Variants in KCTD12 observed in about 807,000 individuals in gnomAD.
The protein encoded by KCTD12 is BTB/POZ domain-containing protein KCTD12.
A neutral mutation model predicts 22.6 loss-of-function variants in KCTD12; 16 were observed. That is an observed-to-expected ratio of 0.71 (90% CI 0.48 to 1.07). KCTD12 has a LOEUF of 1.07. KCTD12 is among the 50% of genes least tolerant of loss of function. KCTD12 has a pLI of 0.00. For missense variants in KCTD12, 452 were observed against 469.2 expected, an observed-to-expected ratio of 0.96 and a Z score of 0.34; for synonymous variants, 260 against 228.0, an observed-to-expected ratio of 1.14 and a Z score of -1.26.
In KCTD12 at chr13:76,884,918, TG is replaced by T. The variant is rs1432686541; in HGVS notation, c.*252del. On this transcript the variant is annotated 3_prime_UTR_variant, in exon 1 of 1. Transcript: ENST00000377474. ...AGTAGAGAAAGCATGGAGTGGTAGGTGGGGGTGGGGTGGGGGTTCCTCTGGG... is the reference window on the plus strand; with the variant it reads ...AGTAGAGAAAGCATGGAGTGGTAGGTGGGGTGGGGTGGGGGTTCCTCTGGG... 1 of 314,692 alleles carries T rather than the reference TG, an allele frequency of 3.2e-6. No homozygotes were observed. The highest frequency in any genetic ancestry group is 4.8e-5 in the East Asian group (1 of 20,652). The allele number at this position is 314,692 out of a possible 1,614,324, so 19.5% of individuals were successfully genotyped here. A position where few individuals can be genotyped will look rare whatever the true frequency, so the allele number is the denominator to read the frequency against.
rs2033245398 is a variant in KCTD12 at position 76,884,941 on chromosome 13, T to C, written c.*230A>G. On this transcript the variant is annotated 3_prime_UTR_variant, in exon 1 of 1. Coordinates refer to ENST00000377474, the MANE Select transcript of KCTD12 (RefSeq NM_138444.4). The stretch of plus-strand genomic sequence containing the variant: ...GGTGGGGGTGGGGTGGGGGTTCCTC[T>C]GGGTTCTCTCGGTTCAGGAGGTCCA... 1.9e-6 allele frequency: 1 copy of C among 522,418 alleles called. No homozygotes were observed. The highest frequency in any genetic ancestry group is 3.2e-5 in the East Asian group (1 of 31,130). 32.4% of individuals were successfully genotyped at this position (522,418 alleles called of 1,614,324 possible). A position where few individuals can be genotyped will look rare whatever the true frequency, so the allele number is the denominator to read the frequency against.
At position 76,882,985 on chromosome 13, in the gene KCTD12, A is replaced by T. The variant is rs139710603; in HGVS notation, c.*2186T>A. The T allele has an allele frequency of 2.9e-3, 435 of 152,320 alleles. 4 individuals are homozygous for T. The highest frequency in any genetic ancestry group is 9.9e-3 in the African/African-American group (411 of 41,568). 9.4% of individuals were successfully genotyped at this position (152,320 alleles called of 1,614,324 possible). A position where few individuals can be genotyped will look rare whatever the true frequency, so the allele number is the denominator to read the frequency against. Reference sequence around the variant, plus strand: ...TAGTAATACAACTAATACTCAAGAAAAAAAGTATAATACAGCAAACTCAGT... The same window carrying T: ...TAGTAATACAACTAATACTCAAGAATAAAAGTATAATACAGCAAACTCAGT... On this transcript the variant is annotated 3_prime_UTR_variant, in exon 1 of 1. Coordinates refer to ENST00000377474, the MANE Select transcript of KCTD12 (RefSeq NM_138444.4).
rs2033248641 is a variant in KCTD12 at position 76,885,151 on chromosome 13, G to T, written c.*20C>A. On this transcript the variant is annotated 3_prime_UTR_variant, in exon 1 of 1. Coordinates refer to ENST00000377474, the MANE Select transcript of KCTD12 (RefSeq NM_138444.4). The surrounding 1 kb of genome is among the most constrained non-coding windows in gnomAD (Gnocchi z 5.1). ...CAGGAGAAGGACTGGGCGCTGGAGT[G>T]GCGAGGGGGTCTGGGGAGCTCACTC... is the stretch of plus-strand genomic sequence containing the variant. 2 of 1,602,880 alleles carry T rather than the reference G, an allele frequency of 1.2e-6. No homozygotes were observed. The highest frequency in any genetic ancestry group is 1.7e-6 in the Non-Finnish European group (2 of 1,172,666).
At position 76,880,592 on chromosome 13, in the gene KCTD12, T is replaced by C. The variant is rs1486778207; in HGVS notation, c.*4579A>G. The stretch of plus-strand genomic sequence containing the variant: ...TAAGGTTTTCAGATGCCTGGAAAAA[T>C]TTAAACAACATATAATTTACATCTT... On this transcript the variant is annotated 3_prime_UTR_variant, in exon 1 of 1. Coordinates refer to ENST00000377474, the MANE Select transcript of KCTD12 (RefSeq NM_138444.4). 2 of 152,574 alleles carry C rather than the reference T, an allele frequency of 1.3e-5. No homozygotes were observed. The highest frequency in any genetic ancestry group is 1.3e-4 in the Admixed American group (2 of 15,272). 9.5% of individuals were successfully genotyped at this position (152,574 alleles called of 1,614,324 possible).
In KCTD12 at chr13:76,885,715, C is replaced by A; in HGVS notation, c.434G>T (p.Gly145Val). ...ACCCAGCGAGCCCTCCTTGTGCACC[C>A]CGCGCCGCGAGGGCGGCGGCCCCGG... The part of the protein sequence containing the change: ...PGPGPPPSRR[G>V]VHKEGSLGDE... Residue 145 changes from glycine (G) to valine (V), a missense_variant, in exon 1 of 1, where the codon GGG becomes GTG. This residue lies in a region of KCTD12 where 330 missense variants were observed against 296.5 expected (regional missense o/e 1.11). Transcript: ENST00000377474. This position sits in a 1 kb window ranked among gnomAD's most constrained non-coding sequence, Gnocchi z 5.1. The A allele has an allele frequency of 7.1e-7, 1 of 1,407,530 alleles. No individual in the cohort carries two copies. Among genetic ancestry groups the A allele is most frequent in the Admixed American group, 3.7e-5 (1 of 27,396 alleles). 87.2% of individuals were successfully genotyped at this position (1,407,530 alleles called of 1,614,324 possible). A position where few individuals can be genotyped will look rare whatever the true frequency, so the allele number is the denominator to read the frequency against.
rs2033195031 is a variant in KCTD12 at position 76,880,812 on chromosome 13, AT to A, written c.*4358del. The A allele has an allele frequency of 6.6e-6, 1 of 152,664 alleles. No homozygotes were observed. The highest frequency in any genetic ancestry group is 1.9e-4 in the East Asian group (1 of 5,200). 9.5% of individuals were successfully genotyped at this position (152,664 alleles called of 1,614,324 possible). ...ACCCATACCTCAAAACACATTTAGAATTTAAAAAAACTGGCTTGGAAAAAAA... is the reference window on the plus strand; with the variant it reads ...ACCCATACCTCAAAACACATTTAGAATTAAAAAAACTGGCTTGGAAAAAAA... On this transcript the variant is annotated 3_prime_UTR_variant, in exon 1 of 1. Coordinates refer to ENST00000377474, the MANE Select transcript of KCTD12 (RefSeq NM_138444.4).
chr13:76,883,292 A>G lies in KCTD12; in HGVS notation c.*1879T>C, dbSNP rs1036222513. 6.6e-6 allele frequency: 1 copy of G among 152,248 alleles called. No individual in the cohort carries two copies. The highest frequency in any genetic ancestry group is 2.4e-5 in the African/African-American group (1 of 41,472). The allele number at this position is 152,248 out of a possible 1,614,324, so 9.4% of individuals were successfully genotyped here. ...CAGTACGAGATTCATTTTTAAAAAC[A>G]AGGAAAAATAGCACTAATTTAAACA... On this transcript the variant is annotated 3_prime_UTR_variant, in exon 1 of 1. Transcript: ENST00000377474.
chr13:76,885,776 G>C lies in KCTD12; in HGVS notation c.373C>G (p.Leu125Val). The C allele has an allele frequency of 1.3e-6, 2 of 1,572,878 alleles. No individual in the cohort carries two copies. The highest frequency in any genetic ancestry group is 1.7e-6 in the Non-Finnish European group (2 of 1,169,344). The part of the protein sequence containing the change: ...REAEYFELPE[L>V]VRRLGAPQQP... The stretch of plus-strand genomic sequence containing the variant: ...TGGGGCGCCCCGAGGCGGCGCACGA[G>C]CTCTGGCAGCTCGAAGTACTCGGCC... Residue 125 changes from leucine (L) to valine (V), a missense_variant, in exon 1 of 1, where the codon CTC becomes GTC. Around this residue, in one of 2 missense-constraint regions of KCTD12, gnomAD observed 330 missense variants for 296.5 expected, o/e 1.11. Transcript: ENST00000377474. The surrounding 1 kb of genome is among the most constrained non-coding windows in gnomAD (Gnocchi z 5.1).
chr13:76,885,969 G>C lies in KCTD12; in HGVS notation c.180C>G (p.Leu60=), dbSNP rs201685006. The change falls in exon 1 of 1, where the codon CTC becomes CTG. Residue 60 remains leucine (L), a synonymous_variant. Coordinates refer to ENST00000377474, the MANE Select transcript of KCTD12 (RefSeq NM_138444.4). This position sits in a 1 kb window ranked among gnomAD's most constrained non-coding sequence, Gnocchi z 5.1. ...CTVVSVPDSL[L]WRMFTQQQPQ... is the part of the protein sequence containing the mutation. ...GCTGCTGCTGCGTGAACATGCGCCA[G>C]AGCAGCGAGTCGGGCACCGACACCA... 1.1e-5 allele frequency: 17 copies of C among 1,589,532 alleles called. No individual in the cohort carries two copies. The East Asian group carries it at 3.9e-4, about 36-fold the overall frequency.
Position 76,885,922 on chromosome 13 carries a change from C to T in KCTD12, c.227G>A (p.Ser76Asn), listed in dbSNP as rs777263912. Residue 76 changes from serine (S) to asparagine (N), a missense_variant, in exon 1 of 1, where the codon AGC becomes AAC. By Grantham distance (46) the Ser-to-Asn change is conservative (BLOSUM62 1). Coordinates refer to ENST00000377474, the MANE Select transcript of KCTD12 (RefSeq NM_138444.4). The surrounding 1 kb of genome is among the most constrained non-coding windows in gnomAD (Gnocchi z 5.1). ...QQQPQELARDSKGRFFLDRDG... is the reference protein window; with the variant it reads ...QQQPQELARDNKGRFFLDRDG... ...CCGGTCCAGAAAGAAGCGGCCTTTG[C>T]TGTCCCGGGCCAGCTCCTGCGGCTG... 1.1e-5 allele frequency: 18 copies of T among 1,595,192 alleles called. No individual in the cohort carries two copies. The East Asian group carries it at 3.8e-4, about 34-fold the overall frequency.
chr13:76,885,477 CG>C lies in KCTD12; in HGVS notation c.671del (p.Ala224GlyfsTer30). The C allele has an allele frequency of 6.2e-7, 1 of 1,608,006 alleles. No individual in the cohort carries two copies. Among genetic ancestry groups the C allele is most frequent in the South Asian group, 1.1e-5 (1 of 90,700 alleles). On this transcript the variant is annotated frameshift_variant, in exon 1 of 1. Transcript: ENST00000377474. LOFTEE classifies it high-confidence loss of function. The surrounding 1 kb of genome is among the most constrained non-coding windows in gnomAD (Gnocchi z 5.1). Reference protein sequence around the residue: ...YRGSYTIGRDAQADAKFRRVA... With the variant: ...YRGSYTIGRDXQADAKFRRVA... ...CTCGCCGGAACTTGGCGTCCGCCTG[CG>C]CGTCCCGCCCGATGGTGTAGGAGCC...
At position 76,883,750 on chromosome 13, in the gene KCTD12, C is replaced by T. The variant is rs1417380300; in HGVS notation, c.*1421G>A. Reference sequence around the variant, plus strand: ...GGCATTTTCAGGTTTTCAGGTTTGCCCAGAAGTCAACGTTTGCTGGGCTTG... The same window carrying T: ...GGCATTTTCAGGTTTTCAGGTTTGCTCAGAAGTCAACGTTTGCTGGGCTTG... On this transcript the variant is annotated 3_prime_UTR_variant, in exon 1 of 1. Coordinates refer to ENST00000377474, the MANE Select transcript of KCTD12 (RefSeq NM_138444.4). The T allele has an allele frequency of 6.6e-6, 1 of 152,532 alleles. No homozygotes were observed. Among genetic ancestry groups the T allele is most frequent in the Non-Finnish European group, 1.5e-5 (1 of 68,034 alleles). 9.4% of individuals were successfully genotyped at this position (152,532 alleles called of 1,614,324 possible). A position where few individuals can be genotyped will look rare whatever the true frequency, so the allele number is the denominator to read the frequency against.
Position 76,886,225 on chromosome 13 carries a change from C to T in KCTD12, c.-77G>A. 9 of 1,377,654 alleles carry T rather than the reference C, an allele frequency of 6.5e-6. No individual in the cohort carries two copies. The highest frequency in any genetic ancestry group is 8.4e-6 in the Non-Finnish European group (9 of 1,073,932). The allele number at this position is 1,377,654 out of a possible 1,614,324, so 85.3% of individuals were successfully genotyped here. The stretch of plus-strand genomic sequence containing the variant: ...GGAGCTGCAACCGCCTTCCCCGGAG[C>T]CCCGGAACCCGGACGCTCGCTCAGC... On this transcript the variant is annotated 5_prime_UTR_variant, in exon 1 of 1. Transcript: ENST00000377474.
chr13:76,885,686 C>T lies in KCTD12; in HGVS notation c.463G>A (p.Glu155Lys), dbSNP rs781017967. ...TCCGAGTAGCCAAGCGGCAGCAGCT[C>T]GTCACCCAGCGAGCCCTCCTTGTGC... ...GVHKEGSLGD[E>K]LLPLGYSEPE... Residue 155 changes from glutamate (E) to lysine (K), a missense_variant, in exon 1 of 1, where the codon GAG (glutamate) becomes AAG (lysine). By Grantham distance (56) the Glu-to-Lys change is moderately conservative. Transcript: ENST00000377474. This position sits in a 1 kb window ranked among gnomAD's most constrained non-coding sequence, Gnocchi z 5.1. 6.9e-7 allele frequency: 1 copy of T among 1,445,334 alleles called. No individual in the cohort carries two copies. The highest frequency in any genetic ancestry group is 9.0e-7 in the Non-Finnish European group (1 of 1,112,674). 89.5% of individuals were successfully genotyped at this position (1,445,334 alleles called of 1,614,324 possible).
rs1305633362 is a variant in KCTD12 at position 76,885,197 on chromosome 13, T to C, written c.952A>G (p.Thr318Ala). 1 of 1,613,870 alleles carries C rather than the reference T, an allele frequency of 6.2e-7. No individual in the cohort carries two copies. Among genetic ancestry groups the C allele is most frequent in the East Asian group, 2.2e-5 (1 of 44,848 alleles). Residue 318 changes from threonine to alanine, a missense_variant, in exon 1 of 1, where the codon ACC becomes GCC. By Grantham distance (58) the Thr-to-Ala change is moderately conservative. This residue lies in a region of KCTD12 where 122 missense variants were observed against 172.8 expected (regional missense o/e 0.71). Transcript: ENST00000377474. The surrounding 1 kb of genome is among the most constrained non-coding windows in gnomAD (Gnocchi z 5.1). ...CACTCCCTGCAGAAGACGTACTCGG[T>C]GTAGCTGGTCCAGATCTTGTCCTCG... Reference protein sequence around the residue: ...QSEDKIWTSYTEYVFCRE With the variant: ...QSEDKIWTSYAEYVFCRE
At position 76,885,583 on chromosome 13, in the gene KCTD12, C is replaced by G; in HGVS notation, c.566G>C (p.Gly189Ala). The part of the protein sequence containing the change: ...LELASRSPSG[G>A]AAGPLLTPSQ... ...CGGCGTGAGCAGCGGGCCCGCCGCG[C>G]CCCCGGACGGACTGCGGCTAGCCAG... The change falls in exon 1 of 1, where the codon GGC (glycine) becomes GCC (alanine). Residue 189 changes from glycine (G) to alanine (A), a missense_variant. This residue lies in a region of KCTD12 where 330 missense variants were observed against 296.5 expected (regional missense o/e 1.11). Coordinates refer to ENST00000377474, the MANE Select transcript of KCTD12 (RefSeq NM_138444.4). The surrounding 1 kb of genome is among the most constrained non-coding windows in gnomAD (Gnocchi z 5.1). 6.5e-7 allele frequency: 1 copy of G among 1,537,918 alleles called. No individual in the cohort carries two copies. The highest frequency in any genetic ancestry group is 8.7e-7 in the Non-Finnish European group (1 of 1,148,144).
In KCTD12 at chr13:76,886,169, G is replaced by C; in HGVS notation, c.-21C>G. The C allele has an allele frequency of 1.4e-6, 2 of 1,453,028 alleles. No individual in the cohort carries two copies. Among genetic ancestry groups the C allele is most frequent in the Non-Finnish European group, 1.8e-6 (2 of 1,105,974 alleles). 90.0% of individuals were successfully genotyped at this position (1,453,028 alleles called of 1,614,324 possible). On this transcript the variant is annotated 5_prime_UTR_variant, in exon 1 of 1. Coordinates refer to ENST00000377474, the MANE Select transcript of KCTD12 (RefSeq NM_138444.4). ...GCCATGACAGAGAGGTGGCCGGGCC[G>C]GGACAGTGGCAGGAAGCCGCGCTGC...
chr13:76,884,920 G>A lies in KCTD12; in HGVS notation c.*251C>T, dbSNP rs2033244763. 1.8e-5 allele frequency: 9 copies of A among 498,624 alleles called. No homozygotes were observed. The East Asian group carries it at 3.0e-4, about 17-fold the overall frequency. The allele number at this position is 498,624 out of a possible 1,614,324, so 30.9% of individuals were successfully genotyped here. The stretch of plus-strand genomic sequence containing the variant: ...TAGAGAAAGCATGGAGTGGTAGGTG[G>A]GGGTGGGGTGGGGGTTCCTCTGGGT... On this transcript the variant is annotated 3_prime_UTR_variant, in exon 1 of 1. Coordinates refer to ENST00000377474, the MANE Select transcript of KCTD12 (RefSeq NM_138444.4).
Position 76,886,339 on chromosome 13 carries a change from G to C in KCTD12, c.-191C>G, listed in dbSNP as rs1300206673. On this transcript the variant is annotated 5_prime_UTR_variant, in exon 1 of 1. Coordinates refer to ENST00000377474, the MANE Select transcript of KCTD12 (RefSeq NM_138444.4). ...CCGCGCGGAGCCGAGCGGTGCGAGC[G>C]CGCCGCTGTGCGCCCCCTTGAGTTC... 2 of 460,258 alleles carry C rather than the reference G, an allele frequency of 4.3e-6. No homozygotes were observed. The highest frequency in any genetic ancestry group is 6.5e-6 in the Non-Finnish European group (2 of 308,648). The allele number at this position is 460,258 out of a possible 1,614,324, so 28.5% of individuals were successfully genotyped here. A position where few individuals can be genotyped will look rare whatever the true frequency, so the allele number is the denominator to read the frequency against.
Sources: allele counts gnomAD v4.1 joint callset, GRCh38; gene constraint gnomAD v4.1.1; regional missense constraint gnomAD v4.1.1; non-coding constraint Gnocchi (gnomAD v3.1); transcripts MANE v1.5; gene names NCBI Gene and HGNC (gene_info 2026-07-23, HGNC 2026-07-21).